The following EPN1 variants were observed in gnomAD, a reference collection of about 807,000 sequenced individuals.
The protein encoded by EPN1 is epsin-1.
Under a neutral mutation model 56.9 loss-of-function variants are expected in EPN1, and 25 were observed. The observed-to-expected ratio is 0.44, with a 90% CI of 0.32 to 0.61. The LOEUF is 0.61. Among genes scored for constraint, EPN1 ranks in the 20% least tolerant of loss-of-function variants. The pLI is 0.05. For synonymous variants in EPN1, 411 were observed against 361.8 expected (o/e 1.14, Z -1.54); for missense variants, 785 against 823.7 (o/e 0.95, Z 0.58).
Position 55,689,961 on chromosome 19 carries a change from C to T in EPN1, c.762+11C>T. The T allele has an allele frequency of 6.3e-7, 1 of 1,587,062 alleles. No individual in the cohort carries two copies. The highest frequency in any genetic ancestry group is 8.6e-7 in the Non-Finnish European group (1 of 1,166,964). ...GGGGGCAAGGAGGAGGTGAGCGGGGCTTGTTCTGCCCTCCCTGGCCCCTGC... is the reference window on the plus strand; with the variant it reads ...GGGGGCAAGGAGGAGGTGAGCGGGGTTTGTTCTGCCCTCCCTGGCCCCTGC... On this transcript the variant is annotated intron_variant, in intron 6 of 10. Coordinates refer to ENST00000270460, the MANE Select transcript of EPN1 (RefSeq NM_001130072.2). This position sits in a 1 kb window ranked among gnomAD's most constrained non-coding sequence, Gnocchi z 5.7.
Position 55,707,463 on chromosome 19 carries a change from C to CT in EPN1, c.*12108dup, listed in dbSNP as rs1005045738. 1.3e-5 allele frequency: 2 copies of CT among 152,514 alleles called. No homozygotes were observed. Among genetic ancestry groups the CT allele is most frequent in the Admixed American group, 1.3e-4 (2 of 15,286 alleles). 9.4% of individuals were successfully genotyped at this position (152,514 alleles called of 1,614,324 possible). On this transcript the variant is annotated 3_prime_UTR_variant, in exon 11 of 11. Transcript: ENST00000270460. ...CCTTCTGTGGAATATGACAGTGTCTCTATTTCGGGTAAAGGAAAGACCAAA... is the reference window on the plus strand; with the variant it reads ...CCTTCTGTGGAATATGACAGTGTCTCTTATTTCGGGTAAAGGAAAGACCAAA...
Position 55,706,121 on chromosome 19 carries a change from G to T in EPN1, c.*10765G>T. On this transcript the variant is annotated 3_prime_UTR_variant, in exon 11 of 11. Coordinates refer to ENST00000270460, the MANE Select transcript of EPN1 (RefSeq NM_001130072.2). ...AGATTCTCTGCATGTGCAGGTTTAT[G>T]AGACTGGAGAACTTTGATTTCTTCT... 1 of 237,026 alleles carries T rather than the reference G, an allele frequency of 4.2e-6. No individual in the cohort carries two copies. The highest frequency in any genetic ancestry group is 8.6e-6 in the Non-Finnish European group (1 of 116,390). The allele number at this position is 237,026 out of a possible 1,614,324, so 14.7% of individuals were successfully genotyped here.
At chr19:55,679,045 T>C (rs1470536695) in intron 2 of EPN1, among the ~76,000 whole-genome samples, 190 bp downstream of exon 2, 1 of 152,218 alleles carries the variant, frequency 6.6e-6, no homozygotes, top group Non-Finnish European at 1.5e-5. Flanking sequence ...GTGGTTAAAA[T>C]CTGTTTTTGA....
rs1345210300 is a variant in EPN1, at chr19:55,695,254, A to C, written c.1629A>C (p.Gly543=). ...LRLSPVPPVP[G]APPTYISPLG... is the part of the protein sequence containing the mutation. The stretch of plus-strand genomic sequence containing the variant: ...TCAGTCCTGTGCCTCCCGTCCCTGG[A>C]GCGCCACCCACGTACATCTCTCCCC... Residue 543 remains glycine, a synonymous_variant, in exon 11 of 11, where the codon GGA becomes GGC. Transcript: ENST00000270460. This position sits in a 1 kb window ranked among gnomAD's most constrained non-coding sequence, Gnocchi z 4.4. 1 of 1,610,896 alleles carries C rather than the reference A, an allele frequency of 6.2e-7. No individual in the cohort carries two copies. Among genetic ancestry groups the C allele is most frequent in the South Asian group, 1.1e-5 (1 of 90,742 alleles).
chr19:55,689,455 C>T lies in EPN1; in HGVS notation c.678+84C>T, dbSNP rs1014787905. On this transcript the variant is annotated intron_variant, in intron 5 of 10. Transcript: ENST00000270460. This position sits in a 1 kb window ranked among gnomAD's most constrained non-coding sequence, Gnocchi z 5.7. ...CGCCCCTTCCTAAGTCACCCCCCAC[C>T]ATCCTGCTGGGCCCGAAGCCCACAG... is the stretch of plus-strand genomic sequence containing the variant. The T allele has an allele frequency of 1.7e-5, 18 of 1,064,006 alleles. No individual in the cohort carries two copies. Among genetic ancestry groups the T allele is most frequent in the Middle Eastern group, 2.0e-4 (1 of 4,896 alleles). 65.9% of individuals were successfully genotyped at this position (1,064,006 alleles called of 1,614,324 possible).
chr19:55,681,001 G>GC lies in EPN1; in HGVS notation c.228+2149dup, dbSNP rs564372545. Among the ~76,000 whole-genome samples the GC allele has an allele frequency of 1.2e-4, 18 of 152,360 alleles. No homozygotes were observed. The South Asian group carries it at 2.1e-3, about 18-fold the overall frequency. ...CACTTTGATGGATGGGGAAACTGAG[G>GC]CCCAGAGACGGGGGAGGTGGCCTGC... is the stretch of plus-strand genomic sequence containing the variant. On this transcript the variant is annotated intron_variant, in intron 2 of 10. Transcript: ENST00000270460.
In EPN1 at chr19:55,708,608, T is replaced by G. The variant is rs1987543864; in HGVS notation, c.*13252T>G. ...ATGCATGCTCCTACACACCAAGACA[T>G]CCATTAAGAAAATAAAGCCATGCTT... On this transcript the variant is annotated 3_prime_UTR_variant, in exon 11 of 11. Coordinates refer to ENST00000270460, the MANE Select transcript of EPN1 (RefSeq NM_001130072.2). The G allele has an allele frequency of 9.5e-6, 2 of 211,170 alleles. No individual in the cohort carries two copies. The highest frequency in any genetic ancestry group is 1.9e-5 in the Non-Finnish European group (2 of 107,118). 13.1% of individuals were successfully genotyped at this position (211,170 alleles called of 1,614,324 possible).
chr19:55,688,491 C>T (rs898360090), intron 3 of EPN1, among the ~76,000 whole-genome samples: 2 of 152,148 alleles, frequency 1.3e-5, no homozygotes, highest in African/African-American at 4.8e-5. Flanking sequence ...GGAAACAGGC[C>T]TGGGAAACCT....
chr19:55,691,815 C>T lies in EPN1; in HGVS notation c.824C>T (p.Pro275Leu), dbSNP rs764896294. 2 of 1,610,920 alleles carry T rather than the reference C, an allele frequency of 1.2e-6. No homozygotes were observed. The highest frequency in any genetic ancestry group is 1.7e-6 in the Non-Finnish European group (2 of 1,177,942). The change falls in exon 7 of 11, where the codon CCC (proline) becomes CTC (leucine). Residue 275 changes from proline to leucine, a missense_variant. Pro to Leu is a moderately conservative substitution (Grantham distance 98). Around this residue, in one of 2 missense-constraint regions of EPN1, gnomAD observed 650 missense variants for 605.0 expected, o/e 1.07. Transcript: ENST00000270460. The surrounding 1 kb of genome is among the most constrained non-coding windows in gnomAD (Gnocchi z 5.6). ...CCAGCTCCTGCCCCGACCACAGACC[C>T]CTGGGGGGGCCCAGCACCCATGGCT... ...TAPAPAPTTDPWGGPAPMAAA... is the reference protein window; with the variant it reads ...TAPAPAPTTDLWGGPAPMAAA...
chr19:55,677,667 G>C, intron 1 of EPN1: 1 of 1,551,612 alleles, frequency 6.4e-7, no homozygotes, highest in Non-Finnish European at 8.7e-7. Flanking sequence ...TCTCTCCTGA[G>C]CCTTGGGCTT....
At position 55,678,871 on chromosome 19, in the gene EPN1, T is replaced by A. The variant is rs770127777; in HGVS notation, c.228+16T>A. 6.4e-7 allele frequency: 1 copy of A among 1,572,272 alleles called. No individual in the cohort carries two copies. The highest frequency in any genetic ancestry group is 8.7e-7 in the Non-Finnish European group (1 of 1,150,534). On this transcript the variant is annotated intron_variant, in intron 2 of 10. Coordinates refer to ENST00000270460, the MANE Select transcript of EPN1 (RefSeq NM_001130072.2). ...CGTTTACAAGGTCAGCATCCTGCTCTCCTCCCCGGGCAGGTGCAGGGGCTC... is the reference window on the plus strand; with the variant it reads ...CGTTTACAAGGTCAGCATCCTGCTCACCTCCCCGGGCAGGTGCAGGGGCTC...
rs1987245629 is a variant in EPN1 at position 55,703,446 on chromosome 19, C to G, written c.*8090C>G. 1 of 152,334 alleles carries G rather than the reference C, an allele frequency of 6.6e-6. No homozygotes were observed. Among genetic ancestry groups the G allele is most frequent in the Non-Finnish European group, 1.5e-5 (1 of 68,160 alleles). The allele number at this position is 152,334 out of a possible 1,614,324, so 9.4% of individuals were successfully genotyped here. A position where few individuals can be genotyped will look rare whatever the true frequency, so the allele number is the denominator to read the frequency against. ...TTAAGCGATTCTCCTGCTTCAGCCT[C>G]TCAAGTAGCTGGGATTACAGGTGCC... On this transcript the variant is annotated 3_prime_UTR_variant, in exon 11 of 11. Transcript: ENST00000270460.
At position 55,689,341 on chromosome 19, in the gene EPN1, C is replaced by T. The variant is rs1257535799; in HGVS notation, c.648C>T (p.Ala216=). The T allele has an allele frequency of 1.3e-6, 2 of 1,551,906 alleles. No homozygotes were observed. Among genetic ancestry groups the T allele is most frequent in the East Asian group, 4.9e-5 (2 of 40,894 alleles). ...AGGACGACGCCCAGCTCCAGCTGGCCCTTAGTTTGAGCCGAGAAGAGCATG... is the reference window on the plus strand; with the variant it reads ...AGGACGACGCCCAGCTCCAGCTGGCTCTTAGTTTGAGCCGAGAAGAGCATG... ...GPEDDAQLQL[A]LSLSREEHDK... is the part of the protein sequence containing the mutation. Residue 216 remains alanine, a synonymous_variant, in exon 5 of 11, where the codon GCC becomes GCT. Coordinates refer to ENST00000270460, the MANE Select transcript of EPN1 (RefSeq NM_001130072.2). This position sits in a 1 kb window ranked among gnomAD's most constrained non-coding sequence, Gnocchi z 5.7.
chr19:55,692,091 C>T lies in EPN1; in HGVS notation c.1066+34C>T, dbSNP rs576899143. On this transcript the variant is annotated intron_variant, in intron 7 of 10. Transcript: ENST00000270460. Reference sequence around the variant, plus strand: ...GTGGCCCACTTGCATGCAGCCCCTACGCCTGTGTGCACCTGTCTTTGGTTG... The same window carrying T: ...GTGGCCCACTTGCATGCAGCCCCTATGCCTGTGTGCACCTGTCTTTGGTTG... The T allele has an allele frequency of 6.5e-4, 905 of 1,401,204 alleles. 1 individual carries two copies. Among genetic ancestry groups the T allele is most frequent in the Non-Finnish European group, 7.7e-4 (828 of 1,080,820 alleles). 86.8% of individuals were successfully genotyped at this position (1,401,204 alleles called of 1,614,324 possible). A position where few individuals can be genotyped will look rare whatever the true frequency, so the allele number is the denominator to read the frequency against.
At position 55,706,269 on chromosome 19, in the gene EPN1, CTCTTTT is replaced by C. The variant is rs2122254954; in HGVS notation, c.*10918_*10923del. The C allele has an allele frequency of 8.0e-6, 1 of 125,164 alleles. No individual in the cohort carries two copies. Among genetic ancestry groups the C allele is most frequent in the Admixed American group, 8.0e-5 (1 of 12,566 alleles). The allele number at this position is 125,164 out of a possible 1,614,324, so 7.8% of individuals were successfully genotyped here. A position where few individuals can be genotyped will look rare whatever the true frequency, so the allele number is the denominator to read the frequency against. Reference sequence around the variant, plus strand: ...TTTCCTCCTCTTTTCTTCCTTTCTTCTCTTTTTCTTCTTCTTTTTTTTTTTTTTTTA... The same window carrying C: ...TTTCCTCCTCTTTTCTTCCTTTCTTCTCTTCTTCTTTTTTTTTTTTTTTTA... On this transcript the variant is annotated 3_prime_UTR_variant, in exon 11 of 11. Coordinates refer to ENST00000270460, the MANE Select transcript of EPN1 (RefSeq NM_001130072.2).
At position 55,685,573 on chromosome 19, in the gene EPN1, G is replaced by A. The variant is rs781081277; in HGVS notation, c.406G>A (p.Asp136Asn). The change falls in exon 3 of 11, where the codon GAC (aspartate) becomes AAC (asparagine). Residue 136 changes from aspartate (D) to asparagine (N), a missense_variant. This residue lies in a region of EPN1 where 135 missense variants were observed against 218.7 expected (regional missense o/e 0.62). Coordinates refer to ENST00000270460, the MANE Select transcript of EPN1 (RefSeq NM_001130072.2). ...KAKQLVALLR[D>N]EDRLREERAH... is the part of the protein sequence containing the mutation. ...TAAGCAGCTGGTGGCCCTGCTGCGCGACGAGGACCGGCTGCGGGAAGAGCG... is the reference window on the plus strand; with the variant it reads ...TAAGCAGCTGGTGGCCCTGCTGCGCAACGAGGACCGGCTGCGGGAAGAGCG... 1.2e-5 allele frequency: 19 copies of A among 1,609,946 alleles called. No individual in the cohort carries two copies. The highest frequency in any genetic ancestry group is 1.4e-5 in the Non-Finnish European group (16 of 1,178,290).
Position 55,695,354 on chromosome 19 carries a change from T to G in EPN1, c.1729T>G (p.Ter577GluextTer121). 1 of 1,467,942 alleles carries G rather than the reference T, an allele frequency of 6.8e-7. No homozygotes were observed. The highest frequency in any genetic ancestry group is 9.2e-7 in the Non-Finnish European group (1 of 1,084,478). The allele number at this position is 1,467,942 out of a possible 1,614,324, so 90.9% of individuals were successfully genotyped here. ...CCCCAACACTAATCCCTTCCTCCTA[T>G]AATCCAGGGCGGAAGGGGGCCTGGC... ...PAPNTNPFLL[*>E] Residue 577 changes from the stop codon to glutamate (E), a stop_lost, in exon 11 of 11, where the codon TAA (stop) becomes GAA (glutamate). Coordinates refer to ENST00000270460, the MANE Select transcript of EPN1 (RefSeq NM_001130072.2). The surrounding 1 kb of genome is among the most constrained non-coding windows in gnomAD (Gnocchi z 4.4).
At position 55,698,655 on chromosome 19, in the gene EPN1, A is replaced by G. The variant is rs1987003880; in HGVS notation, c.*3299A>G. 1 of 152,182 alleles carries G rather than the reference A, an allele frequency of 6.6e-6. No homozygotes were observed. 9.4% of individuals were successfully genotyped at this position (152,182 alleles called of 1,614,324 possible). On this transcript the variant is annotated 3_prime_UTR_variant, in exon 11 of 11. Coordinates refer to ENST00000270460, the MANE Select transcript of EPN1 (RefSeq NM_001130072.2). ...TTCAGTCCTGCCTTGATCTTTTTTT[A>G]TACTGAAACTCAATTTTACACACAC...
chr19:55,696,793 C>T lies in EPN1; in HGVS notation c.*1437C>T, dbSNP rs1986927982. ...TCCCTGGTGGACAGACCTACGTCAC[C>T]TGGGGATTGCAGAGCAAAAGGAGTG... On this transcript the variant is annotated 3_prime_UTR_variant, in exon 11 of 11. Transcript: ENST00000270460. 1 of 152,414 alleles carries T rather than the reference C, an allele frequency of 6.6e-6. No homozygotes were observed. The highest frequency in any genetic ancestry group is 2.4e-5 in the African/African-American group (1 of 41,444). 9.4% of individuals were successfully genotyped at this position (152,414 alleles called of 1,614,324 possible). A position where few individuals can be genotyped will look rare whatever the true frequency, so the allele number is the denominator to read the frequency against.
Sources: gnomAD v4.1 joint callset for allele counts (sites outside exome capture counted in the v4.1 genomes callset) on GRCh38, gnomAD v4.1.1 for gene constraint, gnomAD v4.1.1 regional missense constraint, Gnocchi (gnomAD v3.1) non-coding constraint, MANE v1.5 for transcripts, NCBI Gene and HGNC (gene_info 2026-07-23, HGNC 2026-07-21) for gene names.